ANKRD29: variants seen among roughly 807,000 people sequenced by gnomAD.
The protein encoded by ANKRD29 is ankyrin repeat domain-containing protein 29.
A neutral mutation model predicts 38.0 loss-of-function variants in ANKRD29; 32 were observed. The ratio of observed to expected loss-of-function variants is 0.84; its 90% CI spans 0.64 to 1.13. The LOEUF is 1.13. Ranked by LOEUF, ANKRD29 falls within the 50% of genes most tolerant of loss-of-function variation. The pLI is 0.00. For synonymous variants in ANKRD29, 135 were observed against 152.4 expected (o/e 0.89, Z 0.84); for missense variants, 357 against 377.9 (o/e 0.94, Z 0.46).
chr18:23,645,573 T>TA (rs1014179057), intron 3 of ANKRD29, among the ~76,000 whole-genome samples: 3 of 151,994 alleles, frequency 2.0e-5, no homozygotes, highest in Non-Finnish European at 2.9e-5. Context: ...GACTCCATCT[T>TA]AAAAAAAAGT....
chr18:23,649,120 A>G lies in ANKRD29; in HGVS notation c.95T>C (p.Leu32Ser). 1 of 1,614,226 alleles carries G rather than the reference A, an allele frequency of 6.2e-7. No individual in the cohort carries two copies. The highest frequency in any genetic ancestry group is 1.7e-5 in the Admixed American group (1 of 60,032). Reference sequence around the variant, plus strand: ...GTCCACGTCCACCCGGCCGCTGTTCAACAGCAGCTTCAGCAGCGCCAGGTT... The same window carrying G: ...GTCCACGTCCACCCGGCCGCTGTTCGACAGCAGCTTCAGCAGCGCCAGGTT... ...RGNLALLKLLLNSGRVDVDCR... is the reference protein window; with the variant it reads ...RGNLALLKLLSNSGRVDVDCR... Residue 32 changes from leucine (L) to serine (S), a missense_variant, in exon 2 of 10, where the codon TTG becomes TCG. Coordinates refer to ENST00000592179, the MANE Select transcript of ANKRD29 (RefSeq NM_173505.4).
At position 23,662,764 on chromosome 18, in the gene ANKRD29, T is replaced by A; in HGVS notation, c.-34A>T. The A allele has an allele frequency of 1.4e-6, 2 of 1,452,746 alleles. No individual in the cohort carries two copies. The highest frequency in any genetic ancestry group is 1.8e-6 in the Non-Finnish European group (2 of 1,105,616). 90.0% of individuals were successfully genotyped at this position (1,452,746 alleles called of 1,614,324 possible). A position where few individuals can be genotyped will look rare whatever the true frequency, so the allele number is the denominator to read the frequency against. On this transcript the variant is annotated 5_prime_UTR_variant, in exon 1 of 10. Coordinates refer to ENST00000592179, the MANE Select transcript of ANKRD29 (RefSeq NM_173505.4). ...CCGCCCGAGCGGGAGCCGGCGCGCT[T>A]TGGGCCCGGGGCGCCTTGTCCTCCC... is the stretch of plus-strand genomic sequence containing the variant.
At chr18:23,612,321 A>G (rs2059653921) in intron 8 of ANKRD29, 131 bp from the exon 9 acceptor site, 1 of 742,612 alleles carries the variant, frequency 1.3e-6, no homozygotes, top group East Asian at 2.7e-5. Flanking sequence ...CTTGCCTTGT[A>G]CTTTTCAAAG....
At chr18:23,628,481 T>C (rs1054474431) in intron 6 of ANKRD29, among the ~76,000 whole-genome samples, 8 of 152,090 alleles carry the variant, frequency 5.3e-5, no homozygotes, top group Admixed American at 1.3e-4. Context: ...CAGCTTGACT[T>C]TTTCCTAGGA....
intron 5 of ANKRD29, among the ~76,000 whole-genome samples, chr18:23,632,452 G>C (rs548476312): frequency 9.1e-4 from 138 of 151,168 alleles, no homozygotes; most frequent in Non-Finnish European, 1.8e-3. Context: ...CCTTAAAACA[G>C]AGAGGAAATT....
chr18:23,617,895 T>C, intron 7 of ANKRD29, 68 bp from the exon 8 acceptor site: 1 of 1,333,010 alleles, frequency 7.5e-7, no homozygotes, highest in Non-Finnish European at 1.1e-6. Flanking sequence ...AGCAGTCAGT[T>C]GGGAACTGGA....
chr18:23,662,793 C>G lies in ANKRD29; in HGVS notation c.-63G>C. The stretch of plus-strand genomic sequence containing the variant: ...GCCCGGGGCGCCTTGTCCTCCCCGG[C>G]CCTTCACTCTCCCGGGGCTCTCGGC... On this transcript the variant is annotated 5_prime_UTR_variant, in exon 1 of 10. Coordinates refer to ENST00000592179, the MANE Select transcript of ANKRD29 (RefSeq NM_173505.4). 1 of 1,383,902 alleles carries G rather than the reference C, an allele frequency of 7.2e-7. No homozygotes were observed. Among genetic ancestry groups the G allele is most frequent in the Non-Finnish European group, 9.4e-7 (1 of 1,066,218 alleles). 85.7% of individuals were successfully genotyped at this position (1,383,902 alleles called of 1,614,324 possible).
rs1167000119 is a variant in ANKRD29, at chr18:23,658,822, T to TCATGTG, written c.21+3882_21+3887dup. ...GAGACACCAGGGCTTTCTCTCTTGG[T>TCATGTG]CATGTGAGGAAACGGGGCATGCACA... On this transcript the variant is annotated intron_variant, in intron 1 of 9. Transcript: ENST00000592179. 7.2e-5 allele frequency among the ~76,000 whole-genome samples: 11 copies of TCATGTG among 152,130 alleles called. No homozygotes were observed. The East Asian group carries it at 2.1e-3, about 29-fold the overall frequency.
chr18:23,611,512 C>T (rs1280304331), intron 9 of ANKRD29, among the ~76,000 whole-genome samples: 1 of 151,916 alleles, frequency 6.6e-6, no homozygotes, highest in African/African-American at 2.4e-5. Flanking sequence ...GGTGAAACCC[C>T]GTCTCTACTA....
intron 1 of ANKRD29, among the ~76,000 whole-genome samples, chr18:23,656,534 T>G (rs891426001): frequency 6.6e-6 from 1 of 152,212 alleles, no homozygotes; most frequent in Non-Finnish European, 1.5e-5. Flanking sequence ...CTGTCAACTT[T>G]ATTAACTGCT....
intron 6 of ANKRD29, among the ~76,000 whole-genome samples, chr18:23,625,024 A>G (rs1348848229): frequency 6.6e-6 from 1 of 152,190 alleles, no homozygotes; most frequent in African/African-American, 2.4e-5. Context: ...CTTTGCTTCT[A>G]CGATTTCCAG....
chr18:23,636,331 G>A (rs930603369), intron 4 of ANKRD29, among the ~76,000 whole-genome samples: 9 of 151,842 alleles, frequency 5.9e-5, no homozygotes, highest in Non-Finnish European at 1.2e-4. Context: ...TTATAGATGG[G>A]GTCTTGCTAT....
intron 9 of ANKRD29, among the ~76,000 whole-genome samples, chr18:23,605,480 G>C (rs1421443469): frequency 6.6e-6 from 1 of 151,674 alleles, no homozygotes; most frequent in Non-Finnish European, 1.5e-5. Flanking sequence ...GAGATTATAG[G>C]TGTTGGCCAC....
chr18:23,641,097 C>G (rs1409988776), intron 3 of ANKRD29, among the ~76,000 whole-genome samples: 1 of 152,132 alleles, frequency 6.6e-6, no homozygotes, highest in Non-Finnish European at 1.5e-5. Flanking sequence ...CTTACTCAAG[C>G]TGTAGCTTGC....
chr18:23,662,894 G>T lies in ANKRD29; in HGVS notation c.-164C>A, dbSNP rs192694647. On this transcript the variant is annotated 5_prime_UTR_variant, in exon 1 of 10. Coordinates refer to ENST00000592179, the MANE Select transcript of ANKRD29 (RefSeq NM_173505.4). ...GGCAGCAGCCGCCGCACACAGGGCC[G>T]GGCCGAAGGGGCGGCGCGGGGGCGC... 106 of 456,808 alleles carry T rather than the reference G, an allele frequency of 2.3e-4. No individual in the cohort carries two copies. The highest frequency in any genetic ancestry group is 2.0e-3 in the African/African-American group (94 of 47,072). The allele number at this position is 456,808 out of a possible 1,614,324, so 28.3% of individuals were successfully genotyped here. A position where few individuals can be genotyped will look rare whatever the true frequency, so the allele number is the denominator to read the frequency against.
Position 23,619,534 on chromosome 18 carries a change from C to A in ANKRD29, c.624G>T (p.Arg208=). The stretch of plus-strand genomic sequence containing the variant: ...GCCGCGCGACTCGGGCACTCACGTT[C>A]CGCGCAGCGTCGCGGTCGGCTCCGC... ...LLRGADRDAA[R]NDGTTALLKA... is the part of the protein sequence containing the mutation. Residue 208 remains arginine, a synonymous_variant, in exon 7 of 10, where the codon CGG becomes CGT. Coordinates refer to ENST00000592179, the MANE Select transcript of ANKRD29 (RefSeq NM_173505.4). 1 of 1,589,772 alleles carries A rather than the reference C, an allele frequency of 6.3e-7. No individual in the cohort carries two copies. The highest frequency in any genetic ancestry group is 2.3e-5 in the East Asian group (1 of 44,312).
At chr18:23,654,523 G>A (rs1246494185) in intron 1 of ANKRD29, among the ~76,000 whole-genome samples, 5 of 149,578 alleles carry the variant, frequency 3.3e-5, no homozygotes, top group Admixed American at 1.3e-4. Context: ...GGGAGGCTGC[G>A]GCAAGGAATT....
chr18:23,619,435 AAACCCAT>A (rs2059766394), intron 7 of ANKRD29, 89 bp downstream of exon 7: 1 of 1,200,660 alleles, frequency 8.3e-7, no homozygotes, highest in Admixed American at 2.9e-5. Flanking sequence ...GGTTGGGAGG[AAACCCAT>A]GTGGGCTGCA....
chr18:23,657,693 T>G (rs909887362), intron 1 of ANKRD29, among the ~76,000 whole-genome samples: 8 of 152,252 alleles, frequency 5.3e-5, no homozygotes, highest in Non-Finnish European at 1.0e-4. Flanking sequence ...TATATGGCAT[T>G]CTGTGTCTGG....
Sources: gnomAD v4.1 joint callset for allele counts (sites outside exome capture counted in the v4.1 genomes callset) on GRCh38, gnomAD v4.1.1 for gene constraint, MANE v1.5 for transcripts, NCBI Gene and HGNC (gene_info 2026-07-23, HGNC 2026-07-21) for gene names.